HSPA6: variants seen among roughly 807,000 people sequenced by gnomAD.
HSPA6 encodes heat shock protein family A (Hsp70) member 6.
For synonymous variants in HSPA6, 312 were observed against 368.2 expected (o/e 0.85, Z 1.75); for missense variants, 718 against 860.9 (o/e 0.83, Z 2.08).
Position 161,525,215 on chromosome 1 carries a change from G to T in HSPA6, c.557G>T (p.Gly186Val), listed in dbSNP as rs771908639. ...CCCACGGCAGCTGCCATCGCCTATG[G>T]GCTGGACCGGCGGGGCGCGGGAGAG... The part of the protein sequence containing the change: ...NEPTAAAIAY[G>V]LDRRGAGERN... The change falls in exon 1 of 1, where the codon GGG (glycine) becomes GTG (valine). Residue 186 changes from glycine (G) to valine (V), a missense_variant. Physicochemically the swap from Gly to Val is moderately radical, Grantham distance 109. Transcript: ENST00000309758. The T allele has an allele frequency of 1.7e-5, 27 of 1,614,054 alleles. No individual in the cohort carries two copies. Among genetic ancestry groups the T allele is most frequent in the South Asian group, 4.4e-5 (4 of 91,044 alleles).
chr1:161,526,425 A>T lies in HSPA6; in HGVS notation c.1767A>T (p.Ala589=), dbSNP rs1233135254. 1 of 1,588,522 alleles carries T rather than the reference A, an allele frequency of 6.3e-7. No individual in the cohort carries two copies. The highest frequency in any genetic ancestry group is 1.8e-5 in the Admixed American group (1 of 56,058). The stretch of plus-strand genomic sequence containing the variant: ...CCTGGCTGGAGCACAACCAGCTGGC[A>T]GAGAAGGAGGAGTATGAGCATCAGA... ...VLAWLEHNQL[A]EKEEYEHQKR... is the part of the protein sequence containing the mutation. Residue 589 remains alanine, a synonymous_variant, in exon 1 of 1, where the codon GCA becomes GCT. Transcript: ENST00000309758.
In HSPA6 at chr1:161,526,045, C is replaced by T. The variant is rs1289112914; in HGVS notation, c.1387C>T (p.Leu463Phe). The T allele has an allele frequency of 1.9e-6, 3 of 1,613,770 alleles. No individual in the cohort carries two copies. The highest frequency in any genetic ancestry group is 2.5e-6 in the Non-Finnish European group (3 of 1,179,820). The part of the protein sequence containing the change: ...KDNNLLGRFE[L>F]SGIPPAPRGV... ...CAACAACCTGCTGGGGCGTTTTGAACTCAGTGGCATCCCTCCTGCCCCACG... is the reference window on the plus strand; with the variant it reads ...CAACAACCTGCTGGGGCGTTTTGAATTCAGTGGCATCCCTCCTGCCCCACG... Residue 463 changes from leucine (L) to phenylalanine (F), a missense_variant, in exon 1 of 1, where the codon CTC becomes TTC. Physicochemically the swap from Leu to Phe is conservative, Grantham distance 22 (BLOSUM62 0). Transcript: ENST00000309758.
Position 161,526,688 on chromosome 1 carries a change from C to G in HSPA6, c.*98C>G, listed in dbSNP as rs1288776732. The G allele has an allele frequency of 1.3e-5, 17 of 1,305,146 alleles. No homozygotes were observed. The highest frequency in any genetic ancestry group is 1.7e-5 in the Non-Finnish European group (17 of 984,772). The allele number at this position is 1,305,146 out of a possible 1,614,324, so 80.8% of individuals were successfully genotyped here. On this transcript the variant is annotated 3_prime_UTR_variant, in exon 1 of 1. Transcript: ENST00000309758. The stretch of plus-strand genomic sequence containing the variant: ...CCTGCCCTTCAGAGATGAACTTTCC[C>G]TCCAAAGCTAGAACTTTCTTCCCAG...
In HSPA6 at chr1:161,525,250, C is replaced by T. The variant is rs1079109; in HGVS notation, c.592C>T (p.Leu198Phe). The T allele has an allele frequency of 0.11, 178,728 of 1,613,694 alleles. 11,436 individuals carry two copies. Among genetic ancestry groups the T allele is most frequent in the East Asian group, 0.24 (10,840 of 44,796 alleles). The change falls in exon 1 of 1, where the codon CTC becomes TTC. Residue 198 changes from leucine (L) to phenylalanine (F), a missense_variant. Transcript: ENST00000309758. ...GCGGGGCGCGGGAGAGCGCAACGTG[C>T]TCATTTTTGACCTGGGTGGGGGCAC... Reference protein sequence around the residue: ...DRRGAGERNVLIFDLGGGTFD... With the variant: ...DRRGAGERNVFIFDLGGGTFD...
Position 161,526,409 on chromosome 1 carries a change from A to C in HSPA6, c.1751A>C (p.Glu584Ala), listed in dbSNP as rs1375800565. 6.3e-7 allele frequency: 1 copy of C among 1,592,020 alleles called. No homozygotes were observed. Among genetic ancestry groups the C allele is most frequent in the Non-Finnish European group, 8.6e-7 (1 of 1,168,132 alleles). Reference sequence around the variant, plus strand: ...TGTCGGGAAGTCCTTGCCTGGCTGGAGCACAACCAGCTGGCAGAGAAGGAG... The same window carrying C: ...TGTCGGGAAGTCCTTGCCTGGCTGGCGCACAACCAGCTGGCAGAGAAGGAG... ...DKCREVLAWLEHNQLAEKEEY... is the reference protein window; with the variant it reads ...DKCREVLAWLAHNQLAEKEEY... The change falls in exon 1 of 1, where the codon GAG becomes GCG. Residue 584 changes from glutamate (E) to alanine (A), a missense_variant. Physicochemically the swap from Glu to Ala is moderately radical, Grantham distance 107 (BLOSUM62 -1). Coordinates refer to ENST00000309758, the MANE Select transcript of HSPA6 (RefSeq NM_002155.5).
At position 161,526,463 on chromosome 1, in the gene HSPA6, A is replaced by C. The variant is rs1389240846; in HGVS notation, c.1805A>C (p.Glu602Ala). The C allele has an allele frequency of 5.7e-6, 9 of 1,582,506 alleles. 1 individual carries two copies. Among genetic ancestry groups the C allele is most frequent in the Non-Finnish European group, 7.7e-6 (9 of 1,163,318 alleles). The change falls in exon 1 of 1, where the codon GAG becomes GCG. Residue 602 changes from glutamate (E) to alanine (A), a missense_variant. Transcript: ENST00000309758. ...TATGAGCATCAGAAGAGGGAGCTGGAGCAAATCTGTCGCCCCATCTTCTCC... is the reference window on the plus strand; with the variant it reads ...TATGAGCATCAGAAGAGGGAGCTGGCGCAAATCTGTCGCCCCATCTTCTCC... ...EEYEHQKREL[E>A]QICRPIFSRL...
chr1:161,525,688 C>G lies in HSPA6; in HGVS notation c.1030C>G (p.Arg344Gly). Residue 344 changes from arginine (R) to glycine (G), a missense_variant, in exon 1 of 1, where the codon CGC becomes GGC. Arg to Gly is a moderately radical substitution (Grantham distance 125, BLOSUM62 -2). Transcript: ENST00000309758. The part of the protein sequence containing the change: ...HDVVLVGGST[R>G]IPKVQKLLQD... ...CGTCGTCCTGGTGGGGGGCTCCACA[C>G]GCATCCCCAAGGTGCAGAAGTTGCT... 2 of 1,613,650 alleles carry G rather than the reference C, an allele frequency of 1.2e-6. No individual in the cohort carries two copies. Among genetic ancestry groups the G allele is most frequent in the South Asian group, 1.1e-5 (1 of 91,002 alleles).
In HSPA6 at chr1:161,525,566, G is replaced by A. The variant is rs747352949; in HGVS notation, c.908G>A (p.Arg303His). 5.6e-6 allele frequency: 9 copies of A among 1,613,474 alleles called. No individual in the cohort carries two copies. Among genetic ancestry groups the A allele is most frequent in the Non-Finnish European group, 7.6e-6 (9 of 1,179,654 alleles). ...TTCTACACGTCCATCACTCGTGCCC[G>A]CTTTGAGGAACTGTGCTCAGACCTC... ...VDFYTSITRA[R>H]FEELCSDLFR... Residue 303 changes from arginine (R) to histidine (H), a missense_variant, in exon 1 of 1, where the codon CGC (arginine) becomes CAC (histidine). Coordinates refer to ENST00000309758, the MANE Select transcript of HSPA6 (RefSeq NM_002155.5).
Position 161,525,941 on chromosome 1 carries a change from A to G in HSPA6, c.1283A>G (p.Gln428Arg), listed in dbSNP as rs1557844379. 1 of 1,612,824 alleles carries G rather than the reference A, an allele frequency of 6.2e-7. No homozygotes were observed. The highest frequency in any genetic ancestry group is 1.1e-5 in the South Asian group (1 of 90,892). ...GCCACTATCCCCACCAAGCAGACCCAGACTTTCACCACCTACTCGGACAAC... is the reference window on the plus strand; with the variant it reads ...GCCACTATCCCCACCAAGCAGACCCGGACTTTCACCACCTACTCGGACAAC... ...RNATIPTKQT[Q>R]TFTTYSDNQP... The change falls in exon 1 of 1, where the codon CAG becomes CGG. Residue 428 changes from glutamine (Q) to arginine (R), a missense_variant. By Grantham distance (43) the Gln-to-Arg change is conservative (BLOSUM62 1). Coordinates refer to ENST00000309758, the MANE Select transcript of HSPA6 (RefSeq NM_002155.5).
In HSPA6 at chr1:161,525,999, T is replaced by A. The variant is rs1676684725; in HGVS notation, c.1341T>A (p.Gly447=). ...QPGVFIQVYE[G]ERAMTKDNNL... ...GGGTCTTCATCCAGGTGTATGAGGG[T>A]GAGAGGGCCATGACCAAGGACAACA... The change falls in exon 1 of 1, where the codon GGT becomes GGA. Residue 447 remains glycine, a synonymous_variant. Coordinates refer to ENST00000309758, the MANE Select transcript of HSPA6 (RefSeq NM_002155.5). 1.9e-6 allele frequency: 3 copies of A among 1,613,448 alleles called. No homozygotes were observed. Among genetic ancestry groups the A allele is most frequent in the Non-Finnish European group, 2.5e-6 (3 of 1,179,838 alleles).
In HSPA6 at chr1:161,525,128, G is replaced by T; in HGVS notation, c.470G>T (p.Arg157Leu). 2 of 1,613,780 alleles carry T rather than the reference G, an allele frequency of 1.2e-6. No individual in the cohort carries two copies. The highest frequency in any genetic ancestry group is 1.7e-6 in the Non-Finnish European group (2 of 1,179,962). The stretch of plus-strand genomic sequence containing the variant: ...CCCGCCTATTTCAATGACTCGCAGC[G>T]CCAGGCCACCAAGGACGCGGGGGCC... ...TVPAYFNDSQ[R>L]QATKDAGAIA... Residue 157 changes from arginine to leucine, a missense_variant, in exon 1 of 1, where the codon CGC becomes CTC. Arg to Leu is a moderately radical substitution (Grantham distance 102). Transcript: ENST00000309758.
At position 161,526,562 on chromosome 1, in the gene HSPA6, C is replaced by T. The variant is rs778834594; in HGVS notation, c.1904C>T (p.Thr635Ile). The change falls in exon 1 of 1, where the codon ACC (threonine) becomes ATC (isoleucine). Residue 635 changes from threonine (T) to isoleucine (I), a missense_variant. Coordinates refer to ENST00000309758, the MANE Select transcript of HSPA6 (RefSeq NM_002155.5). ...CAAGCCCGCCAGGGGGACCCCAGCA[C>T]CGGCCCCATCATTGAGGAGGTTGAT... ...GTQARQGDPS[T>I]GPIIEEVD The T allele has an allele frequency of 6.4e-7, 1 of 1,558,976 alleles. No homozygotes were observed. The highest frequency in any genetic ancestry group is 8.7e-7 in the Non-Finnish European group (1 of 1,152,422).
At position 161,525,714 on chromosome 1, in the gene HSPA6, G is replaced by A. The variant is rs1473040195; in HGVS notation, c.1056G>A (p.Leu352=). The change falls in exon 1 of 1, where the codon CTG becomes CTA. Residue 352 remains leucine (L), a synonymous_variant. Transcript: ENST00000309758. ...STRIPKVQKL[L]QDFFNGKELN... is the part of the protein sequence containing the mutation. ...GCATCCCCAAGGTGCAGAAGTTGCT[G>A]CAGGACTTCTTCAACGGCAAGGAGC... 6.2e-7 allele frequency: 1 copy of A among 1,613,020 alleles called. No homozygotes were observed. The highest frequency in any genetic ancestry group is 1.1e-5 in the South Asian group (1 of 90,912).
rs1369420551 is a variant in HSPA6, at chr1:161,526,415, AC to A, written c.1759del (p.Gln587SerfsTer67). On this transcript the variant is annotated frameshift_variant, in exon 1 of 1. Coordinates refer to ENST00000309758, the MANE Select transcript of HSPA6 (RefSeq NM_002155.5). LOFTEE classifies it low-confidence loss of function (END_TRUNC). Reference protein sequence around the residue: ...CREVLAWLEHNQLAEKEEYEH... With the variant: ...CREVLAWLEHXQLAEKEEYEH... Reference sequence around the variant, plus strand: ...GAAGTCCTTGCCTGGCTGGAGCACAACCAGCTGGCAGAGAAGGAGGAGTATG... The same window carrying A: ...GAAGTCCTTGCCTGGCTGGAGCACAACAGCTGGCAGAGAAGGAGGAGTATG... 7.5e-6 allele frequency: 12 copies of A among 1,589,818 alleles called. No individual in the cohort carries two copies. The Admixed American group carries it at 1.8e-4, about 23-fold the overall frequency.
Position 161,526,149 on chromosome 1 carries a change from A to G in HSPA6, c.1491A>G (p.Thr497=). Residue 497 remains threonine, a synonymous_variant, in exon 1 of 1, where the codon ACA becomes ACG. Transcript: ENST00000309758. ...ILSVTATDRS[T]GKANKITITN... is the part of the protein sequence containing the mutation. The stretch of plus-strand genomic sequence containing the variant: ...GCGTGACAGCCACTGACAGGAGCAC[A>G]GGTAAGGCTAACAAGATCACCATCA... The G allele has an allele frequency of 6.2e-7, 1 of 1,613,798 alleles. No homozygotes were observed. Among genetic ancestry groups the G allele is most frequent in the East Asian group, 2.2e-5 (1 of 44,870 alleles).
chr1:161,525,487 T>C lies in HSPA6; in HGVS notation c.829T>C (p.Ser277Pro). ...TACERAKRTL[S>P]SSTQATLEID... ...CTGTGAGCGCGCCAAGCGCACCCTG[T>C]CCTCCAGCACCCAGGCCACCCTGGA... Residue 277 changes from serine (S) to proline (P), a missense_variant, in exon 1 of 1, where the codon TCC (serine) becomes CCC (proline). Transcript: ENST00000309758. 6.2e-7 allele frequency: 1 copy of C among 1,613,488 alleles called. No individual in the cohort carries two copies.
chr1:161,526,655 T>G lies in HSPA6; in HGVS notation c.*65T>G. 7.2e-7 allele frequency: 1 copy of G among 1,396,630 alleles called. No homozygotes were observed. Among genetic ancestry groups the G allele is most frequent in the Admixed American group, 2.5e-5 (1 of 40,556 alleles). 86.5% of individuals were successfully genotyped at this position (1,396,630 alleles called of 1,614,324 possible). ...ATGCTATGGGCCTTCTAGACTGTCT[T>G]CTATGATCCTGCCCTTCAGAGATGA... is the stretch of plus-strand genomic sequence containing the variant. On this transcript the variant is annotated 3_prime_UTR_variant, in exon 1 of 1. Transcript: ENST00000309758.
rs1391761151 is a variant in HSPA6, at chr1:161,524,635, A to G, written c.-24A>G. 2 of 1,259,964 alleles carry G rather than the reference A, an allele frequency of 1.6e-6. No individual in the cohort carries two copies. The highest frequency in any genetic ancestry group is 1.1e-6 in the Non-Finnish European group (1 of 927,026). The allele number at this position is 1,259,964 out of a possible 1,614,324, so 78.0% of individuals were successfully genotyped here. ...AGCGGCAGCAGCCTCCGTGGCCTCC[A>G]GCATCCGACAAGAAGCTTCAGCCAT... On this transcript the variant is annotated 5_prime_UTR_variant, in exon 1 of 1. Transcript: ENST00000309758.
Position 161,525,401 on chromosome 1 carries a change from G to A in HSPA6, c.743G>A (p.Arg248Gln), listed in dbSNP as rs779417109. Residue 248 changes from arginine (R) to glutamine (Q), a missense_variant, in exon 1 of 1, where the codon CGG becomes CAG. Arg to Gln is a conservative substitution (Grantham distance 43). Transcript: ENST00000309758. ...RLVNHFMEEFRRKHGKDLSGN... is the reference protein window; with the variant it reads ...RLVNHFMEEFQRKHGKDLSGN... ...GTGAACCACTTCATGGAAGAATTCC[G>A]GCGGAAGCATGGGAAGGACCTGAGC... 4 of 1,610,546 alleles carry A rather than the reference G, an allele frequency of 2.5e-6. No homozygotes were observed. Among genetic ancestry groups the A allele is most frequent in the Admixed American group, 1.7e-5 (1 of 59,274 alleles).
Sources: allele counts gnomAD v4.1 joint callset, GRCh38; gene constraint gnomAD v4.1.1; transcripts MANE v1.5; gene names NCBI Gene and HGNC (gene_info 2026-07-23, HGNC 2026-07-21).